Variants in ALK observed in about 807,000 individuals in gnomAD.
ALK encodes ALK tyrosine kinase receptor.
In ALK, 74 loss-of-function variants were observed where a neutral mutation model predicts 163.1. The ratio of observed to expected loss-of-function variants is 0.45; its 90% CI spans 0.38 to 0.55. The LOEUF is 0.55. Ranked by LOEUF, ALK falls within the 20% of genes least tolerant of loss-of-function variation. The pLI is 0.00. For missense variants in ALK, 2,063 were observed against 2,105.3 expected (o/e 0.98, Z 0.39); for synonymous variants, 960 against 843.2 (o/e 1.14, Z -2.40).
intron 4 of ALK, among the ~76,000 whole-genome samples, chr2:29,497,545 T>C (rs1480888792): frequency 6.6e-6 from 1 of 152,158 alleles, no homozygotes; most frequent in Non-Finnish European, 1.5e-5. Flanking sequence ...TCCTCTCCTC[T>C]CTAAACTCCA....
intron 1 of ALK, among the ~76,000 whole-genome samples, chr2:29,844,622 C>A (rs771490889): frequency 6.6e-6 from 1 of 152,014 alleles, no homozygotes; most frequent in Non-Finnish European, 1.5e-5. Context: ...AGGTTAGAAC[C>A]ATTGTCCTGG....
At chr2:29,226,110 G>A (rs770840122) in intron 18 of ALK, among the ~76,000 whole-genome samples, 32 of 152,082 alleles carry the variant, frequency 2.1e-4, no homozygotes, top group Admixed American at 3.3e-4. Context: ...GGTGGGGCGG[G>A]GGAAGAGACA....
intron 1 of ALK, among the ~76,000 whole-genome samples, chr2:29,736,223 T>C (rs1679888372): frequency 6.6e-6 from 1 of 152,094 alleles, no homozygotes; most frequent in Non-Finnish European, 1.5e-5. Flanking sequence ...GAAAATTACA[T>C]ATATTGTATG....
chr2:29,488,586 G>T (rs1183635504), intron 4 of ALK, among the ~76,000 whole-genome samples: 1 of 152,048 alleles, frequency 6.6e-6, no homozygotes, highest in Admixed American at 6.6e-5. Context: ...ACTGAAGTTG[G>T]TTGAAAAAAA....
chr2:29,526,945 G>A (rs566408804), intron 4 of ALK, among the ~76,000 whole-genome samples: 1 of 152,228 alleles, frequency 6.6e-6, no homozygotes, highest in South Asian at 2.1e-4. Context: ...CATTAGTGGT[G>A]AAGGTATCAG....
intron 1 of ALK, among the ~76,000 whole-genome samples, chr2:29,867,520 C>T (rs779369312): frequency 6.6e-6 from 1 of 152,172 alleles, no homozygotes; most frequent in African/African-American, 2.4e-5. Flanking sequence ...TGAGTTGCAA[C>T]AAGACCGTTT....
chr2:29,424,967 C>G (rs199710157), intron 4 of ALK, among the ~76,000 whole-genome samples: 1 of 152,142 alleles, frequency 6.6e-6, no homozygotes, highest in East Asian at 1.9e-4. Context: ...AATACAGACC[C>G]TATTCTAAAG....
intron 7 of ALK, among the ~76,000 whole-genome samples, chr2:29,320,262 G>C (rs879038430): frequency 6.6e-6 from 1 of 152,192 alleles, no homozygotes; most frequent in Admixed American, 6.5e-5. Context: ...TAAATCAGGG[G>C]TGAGGTAGGG....
chr2:29,803,523 C>T (rs1053389264), intron 1 of ALK, among the ~76,000 whole-genome samples: 8 of 152,196 alleles, frequency 5.3e-5, no homozygotes, highest in African/African-American at 1.7e-4. Flanking sequence ...CCATATCCGC[C>T]TCTGTTTAGA....
intron 1 of ALK, among the ~76,000 whole-genome samples, chr2:29,909,470 G>C (rs77641044): frequency 2.0e-4 from 27 of 131,854 alleles, no homozygotes; most frequent in South Asian, 1.0e-3. Context: ...CACAGAGAGA[G>C]ACAGACAGAC....
At chr2:29,355,455 C>A (rs1310018830) in intron 5 of ALK, among the ~76,000 whole-genome samples, 2 of 152,164 alleles carry the variant, frequency 1.3e-5, no homozygotes. Context: ...ATGCTCCCTG[C>A]TAACACACAC....
At chr2:29,492,005 ACAAT>A (rs1345673056) in intron 4 of ALK, among the ~76,000 whole-genome samples, 2 of 152,214 alleles carry the variant, frequency 1.3e-5, no homozygotes, top group Admixed American at 1.3e-4. Flanking sequence ...TATAAATTGC[ACAAT>A]CAATTAAATC....
At chr2:29,705,233 GA>G (rs1289960796) in intron 2 of ALK, among the ~76,000 whole-genome samples, 2 of 52,490 alleles carry the variant, frequency 3.8e-5, no homozygotes, top group Non-Finnish European at 9.3e-5. Context: ...AAAAAGAAAA[GA>G]AAAGAAATAT....
chr2:29,513,697 T>C (rs1672584297), intron 4 of ALK, among the ~76,000 whole-genome samples: 2 of 150,604 alleles, frequency 1.3e-5, no homozygotes, highest in South Asian at 2.1e-4. Context: ...GAAACTACCA[T>C]CAGAGTGAAC....
At chr2:29,736,393 T>C (rs1679892941) in intron 1 of ALK, among the ~76,000 whole-genome samples, 1 of 152,098 alleles carries the variant, frequency 6.6e-6, no homozygotes, top group Non-Finnish European at 1.5e-5. Context: ...TCATTTTTTT[T>C]TTAAATCCAG....
chr2:29,826,006 C>G (rs1665186350), intron 1 of ALK, among the ~76,000 whole-genome samples: 1 of 152,004 alleles, frequency 6.6e-6, no homozygotes, highest in African/African-American at 2.4e-5. Context: ...GGTCTTGTGA[C>G]TCTCTGAATG....
intron 2 of ALK, among the ~76,000 whole-genome samples, chr2:29,696,238 C>T (rs1195860875): frequency 6.6e-6 from 1 of 152,066 alleles, no homozygotes; most frequent in African/African-American, 2.4e-5. Flanking sequence ...TTTGCACGGA[C>T]ATAGATGAAG....
intron 3 of ALK, among the ~76,000 whole-genome samples, chr2:29,541,878 A>G (rs2148166825): frequency 6.6e-6 from 1 of 152,310 alleles, no homozygotes; most frequent in East Asian, 1.9e-4. Flanking sequence ...GAAAGCTGCT[A>G]CCGTGAGATT....
chr2:29,300,182 A>C (rs2148233814), intron 8 of ALK, among the ~76,000 whole-genome samples: 1 of 149,370 alleles, frequency 6.7e-6, no homozygotes, highest in African/African-American at 2.4e-5. Context: ...AATAGACAAT[A>C]GTAGGAAGAA....
Sources: gnomAD v4.1 joint callset for allele counts (sites outside exome capture counted in the v4.1 genomes callset) on GRCh38, gnomAD v4.1.1 for gene constraint, MANE v1.5 for transcripts, NCBI Gene and HGNC (gene_info 2026-07-23, HGNC 2026-07-21) for gene names.